The following TENM2 variants were observed in gnomAD, a reference collection of about 807,000 sequenced individuals.
TENM2 encodes teneurin transmembrane protein 2, also known as teneurin-2.
A neutral mutation model predicts 245.2 loss-of-function variants in TENM2; 52 were observed. The observed-to-expected ratio is 0.21, with a 90% CI of 0.17 to 0.27. The LOEUF (loss-of-function observed/expected upper bound fraction) is 0.27, where lower values mean the gene tolerates loss of function less well. Ranked by LOEUF, TENM2 falls within the 10% of genes least tolerant of loss-of-function variation. The pLI, the probability that TENM2 is intolerant of heterozygous loss-of-function variation, is 1.00. For missense variants in TENM2, 3,046 were observed against 3,666.8 expected (o/e 0.83, Z 4.37); for synonymous variants, 1,363 against 1,438.9 (o/e 0.95, Z 1.19).
chr5:167,727,104 C>CTTTTTTTTTTTT (rs1227700479), intron 2 of TENM2, among the ~76,000 whole-genome samples: 14 of 96,122 alleles, frequency 1.5e-4, no homozygotes, highest in East Asian at 7.6e-4. Context: ...CCATTAATTT[C>CTTTTTTTTTTTT]TTTTTTTTTT....
chr5:167,034,673 T>G, the TENM2 span, among the ~76,000 whole-genome samples: 1 of 150,974 alleles, frequency 6.6e-6, no homozygotes, highest in Non-Finnish European at 1.5e-5. Context: ...TTAAAGTGGT[T>G]CAGGAAAATT....
chr5:167,733,924 G>T (rs1760613853), intron 2 of TENM2, among the ~76,000 whole-genome samples: 1 of 152,162 alleles, frequency 6.6e-6, no homozygotes, highest in South Asian at 2.1e-4. Context: ...TGCGTATGAG[G>T]ACACTAAAGT....
intron 2 of TENM2, among the ~76,000 whole-genome samples, chr5:167,651,261 T>G (rs893785129): frequency 6.6e-6 from 1 of 152,082 alleles, no homozygotes; most frequent in African/African-American, 2.4e-5. Context: ...GCTGAATATA[T>G]GATGATTAAA....
chr5:167,654,028 A>G (rs917963302), intron 2 of TENM2: 2 of 152,114 alleles, frequency 1.3e-5, no homozygotes, highest in African/African-American at 4.8e-5. Context: ...ATAAGTCAAT[A>G]TTGTTTTTTT....
intron 19 of TENM2, among the ~76,000 whole-genome samples, 171 bp downstream of exon 21, chr5:168,204,792 T>C (rs1762221858): frequency 6.6e-6 from 1 of 152,232 alleles, no homozygotes; most frequent in Non-Finnish European, 1.5e-5. Flanking sequence ...TTTGTGTATC[T>C]GTGAAAAACC....
chr5:168,076,854 CTG>C (rs1320022170), intron 7 of TENM2, among the ~76,000 whole-genome samples: 1 of 152,176 alleles, frequency 6.6e-6, no homozygotes, highest in East Asian at 1.9e-4. Context: ...CTGAGGTTGA[CTG>C]TACCCTGTGG....
chr5:167,080,837 G>T, the TENM2 span, among the ~76,000 whole-genome samples: 2 of 151,980 alleles, frequency 1.3e-5, no homozygotes, highest in Non-Finnish European at 2.9e-5. Flanking sequence ...GTAGCCTGAT[G>T]CCAGTATAGT....
intron 2 of TENM2, among the ~76,000 whole-genome samples, chr5:167,608,401 C>T (rs1777209978): frequency 6.6e-6 from 1 of 152,178 alleles, no homozygotes; most frequent in Non-Finnish European, 1.5e-5. Context: ...GCCATGTGCA[C>T]CACCAATAAA....
At chr5:167,636,143 G>A (rs904184782) in intron 2 of TENM2, among the ~76,000 whole-genome samples, 6 of 152,064 alleles carry the variant, frequency 3.9e-5, no homozygotes, top group Admixed American at 3.3e-4. Flanking sequence ...ACCTTCTCAC[G>A]AGAGGATTTT....
chr5:167,134,324 A>G, the TENM2 span, among the ~76,000 whole-genome samples: 2 of 152,236 alleles, frequency 1.3e-5, no homozygotes, highest in African/African-American at 2.4e-5. Context: ...AACTATTAAC[A>G]TGGCGACATC....
At chr5:167,496,842 C>G (rs574802064) in intron 2 of TENM2, among the ~76,000 whole-genome samples, 1 of 152,052 alleles carries the variant, frequency 6.6e-6, no homozygotes, top group Non-Finnish European at 1.5e-5. Context: ...AAAAATGGAG[C>G]ATTTTACATC....
In TENM2 at chr5:167,344,309, C is replaced by CATATAT. The variant is rs1298761207; in HGVS notation, c.227-30873_227-30868dup. ...ACACACACACACACACACACACACACATATATATATATATATATATAGATA... is the reference window on the plus strand; with the variant it reads ...ACACACACACACACACACACACACACATATATATATATATATATATATATATAGATA... On this transcript the variant is annotated intron_variant, in intron 1 of 28. Coordinates refer to ENST00000518659, the Ensembl canonical transcript of TENM2. Among the ~76,000 whole-genome samples, 463 of 84,508 alleles carry CATATAT rather than the reference C, an allele frequency of 5.5e-3. 2 individuals are homozygous for CATATAT. The highest frequency in any genetic ancestry group is 0.013 in the African/African-American group (406 of 30,518). The allele number at this position is 84,508 out of a possible 152,430, so 55.4% of individuals were successfully genotyped here. A position where few individuals can be genotyped will look rare whatever the true frequency, so the allele number is the denominator to read the frequency against.
chr5:167,967,054 A>G (rs899793392), intron 4 of TENM2: 4 of 152,100 alleles, frequency 2.6e-5, no homozygotes, highest in African/African-American at 9.7e-5. Context: ...AGTGCACTTT[A>G]ATTTTGCAGT....
intron 2 of TENM2, among the ~76,000 whole-genome samples, chr5:167,390,834 C>G (rs974305166): frequency 6.6e-6 from 1 of 152,150 alleles, no homozygotes; most frequent in Non-Finnish European, 1.5e-5. Flanking sequence ...CAACAAGGCA[C>G]GTCGAGAAAG....
At chr5:168,060,272 G>A (rs960804491) in intron 6 of TENM2, among the ~76,000 whole-genome samples, 5 of 151,996 alleles carry the variant, frequency 3.3e-5, no homozygotes, top group African/African-American at 9.7e-5. Context: ...AAGCAGACAG[G>A]GATGGTGGTC....
At chr5:167,329,170 G>A (rs1357389166) in intron 1 of TENM2, among the ~76,000 whole-genome samples, 2 of 152,124 alleles carry the variant, frequency 1.3e-5, no homozygotes, top group Non-Finnish European at 2.9e-5. Context: ...ATTGGGACTG[G>A]TTGGAAGAAT....
At chr5:167,364,557 A>C (rs1042192131) in intron 1 of TENM2, among the ~76,000 whole-genome samples, 2 of 152,118 alleles carry the variant, frequency 1.3e-5, no homozygotes, top group African/African-American at 4.8e-5. Flanking sequence ...TGGCTACAAA[A>C]GGCATATGTC....
At chr5:167,986,943 A>G (rs1256086332) in intron 4 of TENM2, among the ~76,000 whole-genome samples, 1 of 152,214 alleles carries the variant, frequency 6.6e-6, no homozygotes, top group Non-Finnish European at 1.5e-5. Context: ...TGTGACTGAA[A>G]TCCTTGGGTG....
At chr5:168,137,019 T>C (rs1581415635) in intron 12 of TENM2, among the ~76,000 whole-genome samples, 1 of 152,228 alleles carries the variant, frequency 6.6e-6, no homozygotes, top group East Asian at 1.9e-4. Context: ...TCAGCACAGC[T>C]CTTTGAGGCC....
Sources: gnomAD v4.1 joint callset for allele counts (sites outside exome capture counted in the v4.1 genomes callset) on GRCh38, gnomAD v4.1.1 for gene constraint, MANE v1.5 for transcripts, NCBI Gene and HGNC (gene_info 2026-07-23, HGNC 2026-07-21) for gene names.